PER2: variants seen among roughly 807,000 people sequenced by gnomAD.
PER2 encodes period circadian regulator 2.
A neutral mutation model predicts 121.0 loss-of-function variants in PER2; 66 were observed. The observed-to-expected ratio is 0.55, with a 90% CI of 0.45 to 0.67. PER2 has a LOEUF of 0.67. Ranked by LOEUF, PER2 falls within the 30% of genes least tolerant of loss-of-function variation. The probability of loss-of-function intolerance (pLI) is 0.00; values close to 1 mark genes in which losing one functional copy is unlikely to be tolerated. For synonymous variants in PER2, 684 were observed against 659.9 expected (o/e 1.04, Z -0.56); for missense variants, 1,521 against 1,635.0 (o/e 0.93, Z 1.20).
At chr2:238,288,875 A>C (rs970617151), upstream of PER2, among the ~76,000 whole-genome samples, 2 of 151,796 alleles carry the variant, frequency 1.3e-5, no homozygotes, top group African/African-American at 4.8e-5. Flanking sequence ...TGCATACATG[A>C]GGGGCGGGGC....
intron 8 of PER2, among the ~76,000 whole-genome samples, chr2:238,266,444 GTCACTATACTGGAGAACT>G (rs1216853735): frequency 1.3e-5 from 2 of 152,166 alleles, no homozygotes; most frequent in African/African-American, 4.8e-5. Flanking sequence ...CTTAGCAAAT[GTCACTATACTGGAGAACT>G]TCACAGTTTA....
chr2:238,276,757 A>G (rs953047395), intron 3 of PER2, among the ~76,000 whole-genome samples: 26 of 152,224 alleles, frequency 1.7e-4, no homozygotes, highest in Non-Finnish European at 2.9e-5. Context: ...AAGTGCCCAC[A>G]TGCCCTGGAC....
chr2:238,281,774 G>A (rs560152023), intron 1 of PER2, among the ~76,000 whole-genome samples: 2 of 152,322 alleles, frequency 1.3e-5, no homozygotes, highest in East Asian at 1.9e-4. Context: ...GTGTGGTGGT[G>A]TAGTAATAGG....
intron 21 of PER2, among the ~76,000 whole-genome samples, chr2:238,249,989 C>T (rs1358380917): frequency 6.6e-6 from 1 of 152,246 alleles, no homozygotes; most frequent in Non-Finnish European, 1.5e-5. Context: ...AACAGACCTA[C>T]ACAGGGTTCA....
intron 21 of PER2, among the ~76,000 whole-genome samples, chr2:238,249,723 A>G (rs1292325337): frequency 6.6e-6 from 1 of 152,224 alleles, no homozygotes; most frequent in Non-Finnish European, 1.5e-5. Context: ...GGACTGGATC[A>G]TGGGGGCGGT....
chr2:238,293,627 C>T (rs914546089), upstream of PER2, among the ~76,000 whole-genome samples: 13 of 150,976 alleles, frequency 8.6e-5, no homozygotes, highest in East Asian at 2.3e-3. Flanking sequence ...CCCAGCTACT[C>T]GGGAGGCTAA....
At chr2:238,289,432 C>G (rs1479774128), upstream of PER2, 1 of 152,246 alleles carries the variant, frequency 6.6e-6, no homozygotes, top group Non-Finnish European at 1.5e-5. Context: ...CCGGCAGCTA[C>G]CAAGTGACCT....
chr2:238,250,815 C>G, intron 20 of PER2, 72 bp from the exon 21 acceptor site: 2 of 1,094,466 alleles, frequency 1.8e-6, no homozygotes, highest in Non-Finnish European at 2.8e-6. Context: ...TGTGCTTCCT[C>G]AAAGTCAGAA....
intron 3 of PER2, among the ~76,000 whole-genome samples, 191 bp downstream of exon 3, chr2:238,276,940 C>T (rs1696473539): frequency 6.6e-6 from 1 of 152,166 alleles, no homozygotes; most frequent in Non-Finnish European, 1.5e-5. Context: ...ATCCCGGGGG[C>T]TCTGGACGGT....
At position 238,261,299 on chromosome 2, in the gene PER2, T is replaced by C. The variant is rs1177751420; in HGVS notation, c.1417-346A>G. The C allele has an allele frequency of 3.0e-5, 12 of 396,046 alleles. No homozygotes were observed. In the Middle Eastern group the frequency reaches 2.7e-3, roughly 89 times the overall value. 24.5% of individuals were successfully genotyped at this position (396,046 alleles called of 1,614,324 possible). A position where few individuals can be genotyped will look rare whatever the true frequency, so the allele number is the denominator to read the frequency against. On this transcript the variant is annotated intron_variant, in intron 12 of 22. Transcript: ENST00000254657. ...GCTTCACTCCACAGTCTCCGGGAAC[T>C]GACAGGCAGGCGCCTACTCAGGTGT...
intron 21 of PER2, among the ~76,000 whole-genome samples, chr2:238,249,741 C>T (rs993844211): frequency 3.3e-5 from 5 of 152,214 alleles, no homozygotes; most frequent in Non-Finnish European, 7.3e-5. Flanking sequence ...GGTTCCCCTA[C>T]GCTGTCCTGG....
At position 238,262,942 on chromosome 2, in the gene PER2, G is replaced by A. The variant is rs375455180; in HGVS notation, c.1153+10C>T. 4 of 1,571,610 alleles carry A rather than the reference G, an allele frequency of 2.5e-6. No homozygotes were observed. The African/African-American group carries it at 4.1e-5, about 16-fold the overall frequency. ...AACACTTCAGGATGTACCATGAAAA[G>A]GGGACCTACTCTTTTTGTGGATGGC... On this transcript the variant is annotated intron_variant, in intron 10 of 22. Coordinates refer to ENST00000254657, the MANE Select transcript of PER2 (RefSeq NM_022817.3).
intron 6 of PER2, 109 bp downstream of exon 6, chr2:238,271,203 T>G (rs932842817): frequency 2.4e-5 from 22 of 913,146 alleles, no homozygotes; most frequent in Non-Finnish European, 3.7e-5. Flanking sequence ...CCCCCACAGG[T>G]GGGCTCTGAA....
intron 4 of PER2, among the ~76,000 whole-genome samples, 190 bp from the exon 5 acceptor site, chr2:238,273,381 T>C (rs955971375): frequency 1.3e-5 from 2 of 152,212 alleles, no homozygotes; most frequent in Non-Finnish European, 2.9e-5. Context: ...ATCGGGATAT[T>C]TTTCCCTGAA....
In PER2 at chr2:238,253,416, CG is replaced by C; in HGVS notation, c.2606del (p.Pro869ArgfsTer150). Reference protein sequence around the residue: ...FPAPGTVAAPPAPPHASFTVP... With the variant: ...FPAPGTVAAPXAPPHASFTVP... The stretch of plus-strand genomic sequence containing the variant: ...CTGTGAAGCTGGCGTGGGGAGGTGC[CG>C]GGGGTGCTGCCACAGTCCCTGGCGC... On this transcript the variant is annotated frameshift_variant, in exon 19 of 23. Transcript: ENST00000254657. LOFTEE classifies it high-confidence loss of function. The surrounding 1 kb of genome is among the most constrained non-coding windows in gnomAD (Gnocchi z 5.6). 1.2e-6 allele frequency: 2 copies of C among 1,610,208 alleles called. No homozygotes were observed. The highest frequency in any genetic ancestry group is 1.7e-6 in the Non-Finnish European group (2 of 1,177,370).
At chr2:238,275,561 C>T (rs1270915144) in intron 4 of PER2, among the ~76,000 whole-genome samples, 182 bp downstream of exon 4, 2 of 152,152 alleles carry the variant, frequency 1.3e-5, no homozygotes, top group Admixed American at 6.5e-5. Flanking sequence ...TGGTGGTACA[C>T]GTCTGTGGTC....
At position 238,255,646 on chromosome 2, in the gene PER2, G is replaced by A. The variant is rs1317522850; in HGVS notation, c.2320+11C>T. 1.9e-6 allele frequency: 3 copies of A among 1,613,926 alleles called. No individual in the cohort carries two copies. Among genetic ancestry groups the A allele is most frequent in the Non-Finnish European group, 1.7e-6 (2 of 1,179,868 alleles). ...TTTTTAAAACGCACTTTTAATTCGG[G>A]TATCACTTACTTCGTTCACTTGGCT... is the stretch of plus-strand genomic sequence containing the variant. On this transcript the variant is annotated intron_variant, in intron 18 of 22. Transcript: ENST00000254657.
In PER2 at chr2:238,246,444, G is replaced by A. The variant is rs781757018; in HGVS notation, c.3699C>T (p.Ser1233=). Residue 1233 remains serine, a synonymous_variant, in exon 23 of 23, where the codon AGC becomes AGT. Transcript: ENST00000254657. ...CGTCTTCTTTGGTGTCCGACACTTCGCTGAGTCCCAGAGAAGGAATATCTT... is the reference window on the plus strand; with the variant it reads ...CGTCTTCTTTGGTGTCCGACACTTCACTGAGTCCCAGAGAAGGAATATCTT... The part of the protein sequence containing the change: ...YEEDIPSLGL[S]EVSDTKEDEN... 24 of 1,606,092 alleles carry A rather than the reference G, an allele frequency of 1.5e-5. No homozygotes were observed. In the Middle Eastern group the frequency reaches 9.9e-4, roughly 66 times the overall value.
chr2:238,255,065 C>T (rs1265532644), intron 18 of PER2: 1 of 157,674 alleles, frequency 6.3e-6, no homozygotes, highest in East Asian at 1.9e-4. Context: ...GACTTCTGGG[C>T]CAGGAAAGGG....
Sources: allele counts gnomAD v4.1 joint callset (sites outside exome capture counted in the v4.1 genomes callset), GRCh38; gene constraint gnomAD v4.1.1; non-coding constraint Gnocchi (gnomAD v3.1); transcripts MANE v1.5; gene names NCBI Gene and HGNC (gene_info 2026-07-23, HGNC 2026-07-21).